Variants in RNF138 observed in about 807,000 individuals in gnomAD.
The protein encoded by RNF138 is ring finger protein 138.
Under a neutral mutation model 31.0 loss-of-function variants are expected in RNF138, and 12 were observed. The observed-to-expected ratio is 0.39, with a 90% CI of 0.25 to 0.63. The LOEUF (loss-of-function observed/expected upper bound fraction) is 0.63. RNF138 is among the 20% of genes least tolerant of loss of function. RNF138 has a pLI of 0.52. For synonymous variants in RNF138, 105 were observed against 99.5 expected (o/e 1.06, Z -0.33); for missense variants, 192 against 300.1 (o/e 0.64, Z 2.66).
chr18:32,111,616 C>A, intron 2 of RNF138, 138 bp from the exon 3 acceptor site: 1 of 685,750 alleles, frequency 1.5e-6, no homozygotes, highest in Non-Finnish European at 2.4e-6. Flanking sequence ...AGTTACTAAA[C>A]TTCTGAGATT....
chr18:32,101,018 C>T (rs1233095464), intron 2 of RNF138, among the ~76,000 whole-genome samples: 1 of 152,102 alleles, frequency 6.6e-6, no homozygotes, highest in South Asian at 2.1e-4. Flanking sequence ...ATCGATGACC[C>T]TTTCTTTAGG....
chr18:32,105,137 G>C (rs548309664), intron 2 of RNF138, among the ~76,000 whole-genome samples: 1 of 152,178 alleles, frequency 6.6e-6, no homozygotes, highest in African/African-American at 2.4e-5. Flanking sequence ...TGTCCCCCAG[G>C]CTGGAGTGCA....
chr18:32,102,833 G>A (rs1322293589), intron 2 of RNF138, among the ~76,000 whole-genome samples: 1 of 151,922 alleles, frequency 6.6e-6, no homozygotes, highest in Non-Finnish European at 1.5e-5. Context: ...GTTTCACCAT[G>A]TTGGCCAGGC....
intron 2 of RNF138, among the ~76,000 whole-genome samples, chr18:32,111,296 C>CA (rs1231578820): frequency 6.6e-6 from 1 of 152,160 alleles, no homozygotes; most frequent in Non-Finnish European, 1.5e-5. Context: ...TCTTGTGGAA[C>CA]AACATGTCGA....
intron 4 of RNF138, among the ~76,000 whole-genome samples, chr18:32,119,883 T>C (rs1056333400): frequency 1.3e-5 from 2 of 152,238 alleles, no homozygotes; most frequent in Non-Finnish European, 2.9e-5. Context: ...AGAGAGTAAG[T>C]TGATTTTTAT....
At chr18:32,104,573 G>C (rs999108291) in intron 2 of RNF138, among the ~76,000 whole-genome samples, 3 of 152,188 alleles carry the variant, frequency 2.0e-5, no homozygotes, top group African/African-American at 7.2e-5. Context: ...TAAGAGTACA[G>C]GGAGGTTTGA....
intron 2 of RNF138, among the ~76,000 whole-genome samples, chr18:32,100,353 G>GTTGCC (rs2039908088): frequency 6.6e-6 from 1 of 151,756 alleles, no homozygotes; most frequent in African/African-American, 2.4e-5. Flanking sequence ...AGGCTAGAGT[G>GTTGCC]CAGTGGCATG....
intron 2 of RNF138, among the ~76,000 whole-genome samples, chr18:32,110,297 G>A (rs2040105353): frequency 6.6e-6 from 1 of 152,148 alleles, no homozygotes; most frequent in Non-Finnish European, 1.5e-5. Flanking sequence ...CCTGCCTAAT[G>A]TTTTAGTTTA....
chr18:32,126,701 T>G lies in RNF138; in HGVS notation c.570T>G (p.Pro190=). The change falls in exon 7 of 8, where the codon CCT becomes CCG. Residue 190 remains proline (P), a synonymous_variant. Coordinates refer to ENST00000261593, the MANE Select transcript of RNF138 (RefSeq NM_016271.5). The part of the protein sequence containing the change: ...HLFQIVPVTC[P]ICVSLPWGDP... ...CAATCTGTTTCTTATAGACATGTCC[T>G]ATTTGTGTGTCTCTTCCTTGGGGAG... 1 of 1,572,630 alleles carries G rather than the reference T, an allele frequency of 6.4e-7. No individual in the cohort carries two copies. The highest frequency in any genetic ancestry group is 2.2e-5 in the East Asian group (1 of 44,576).
At chr18:32,118,839 G>A (rs1166012722) in intron 4 of RNF138, among the ~76,000 whole-genome samples, 4 of 151,610 alleles carry the variant, frequency 2.6e-5, no homozygotes, top group East Asian at 3.9e-4. Flanking sequence ...CAAAAAAAAA[G>A]AAAATAATAA....
intron 2 of RNF138, among the ~76,000 whole-genome samples, chr18:32,108,188 G>GA (rs2040068583): frequency 1.3e-5 from 2 of 152,130 alleles, no homozygotes. Flanking sequence ...AATGCATACA[G>GA]AAACGTGTCC....
intron 5 of RNF138, 74 bp downstream of exon 5, chr18:32,123,648 T>A: frequency 1.9e-6 from 2 of 1,034,544 alleles, no homozygotes; most frequent in Non-Finnish European, 2.8e-6. Flanking sequence ...CTTTTTAAAT[T>A]AAACTTTTTT....
At chr18:32,114,703 A>G (rs1451751431) in intron 4 of RNF138, among the ~76,000 whole-genome samples, 1 of 152,244 alleles carries the variant, frequency 6.6e-6, no homozygotes, top group Non-Finnish European at 1.5e-5. Context: ...GAAAGACAAT[A>G]TTGCCACTAT....
intron 1 of RNF138, 132 bp downstream of exon 1, chr18:32,092,367 G>T (rs1005272621): frequency 2.9e-5 from 5 of 171,174 alleles, no homozygotes; most frequent in African/African-American, 9.6e-5. Flanking sequence ...GCAGTGAAAA[G>T]GGAGGCCTTG....
intron 7 of RNF138, 59 bp from the exon 8 acceptor site, chr18:32,129,060 C>CAA (rs1227367487): frequency 2.6e-6 from 3 of 1,165,346 alleles, no homozygotes; most frequent in Non-Finnish European, 3.9e-6. Context: ...ATGTTTTGGG[C>CAA]AAAGTATTAG....
chr18:32,129,578 T>G lies in RNF138; in HGVS notation c.*391T>G, dbSNP rs939575779. ...AGTAGCAAATTTTGAACGATGTGAT[T>G]GATATAACCTAACAAATCTGAGCCA... is the stretch of plus-strand genomic sequence containing the variant. On this transcript the variant is annotated 3_prime_UTR_variant, in exon 8 of 8. Transcript: ENST00000261593. The G allele has an allele frequency of 1.3e-5, 2 of 158,362 alleles. No homozygotes were observed. The highest frequency in any genetic ancestry group is 4.8e-5 in the African/African-American group (2 of 41,600). The allele number at this position is 158,362 out of a possible 1,614,324, so 9.8% of individuals were successfully genotyped here.
intron 2 of RNF138, among the ~76,000 whole-genome samples, chr18:32,109,255 G>C (rs1205140901): frequency 6.6e-6 from 1 of 151,412 alleles, no homozygotes; most frequent in Non-Finnish European, 1.5e-5. Context: ...ACAGGCTCAA[G>C]TGATCCTCTC....
chr18:32,117,288 C>T (rs1011763677), intron 4 of RNF138, among the ~76,000 whole-genome samples: 1 of 151,626 alleles, frequency 6.6e-6, no homozygotes, highest in African/African-American at 2.4e-5. Context: ...TCTAATTATG[C>T]GATTTGAGGA....
At chr18:32,093,002 C>A in intron 2 of RNF138, 116 bp downstream of exon 2, 1 of 519,994 alleles carries the variant, frequency 1.9e-6, no homozygotes, top group Non-Finnish European at 3.2e-6. Flanking sequence ...CCTGCCCGAG[C>A]GTCGCTGCCC....
Sources: allele counts gnomAD v4.1 joint callset (sites outside exome capture counted in the v4.1 genomes callset), GRCh38; gene constraint gnomAD v4.1.1; transcripts MANE v1.5; gene names NCBI Gene and HGNC (gene_info 2026-07-23, HGNC 2026-07-21).